SNX7: variants seen among roughly 807,000 people sequenced by gnomAD.
The protein encoded by SNX7 is sorting nexin 7.
A neutral mutation model predicts 48.4 loss-of-function variants in SNX7; 35 were observed. That is an observed-to-expected ratio of 0.72 (90% CI 0.55 to 0.96). SNX7 has a LOEUF of 0.96. Among genes scored for constraint, SNX7 ranks in the 40% least tolerant of loss-of-function variants. The pLI is 0.00. For synonymous variants in SNX7, 190 were observed against 190.2 expected, an observed-to-expected ratio of 1.00 and a Z score of 0.01; for missense variants, 553 against 548.9, an observed-to-expected ratio of 1.01 and a Z score of -0.07.
At chr1:98,714,094 A>G (rs1203291734) in intron 7 of SNX7, among the ~76,000 whole-genome samples, 3 of 152,230 alleles carry the variant, frequency 2.0e-5, no homozygotes, top group Non-Finnish European at 4.4e-5. Context: ...TAGTTGTATA[A>G]TTAGTAGACT....
intron 7 of SNX7, among the ~76,000 whole-genome samples, chr1:98,730,589 A>G (rs1345657404): frequency 6.6e-6 from 1 of 152,122 alleles, no homozygotes; most frequent in African/African-American, 2.4e-5. Context: ...GGAAATCACA[A>G]GCATTCCTAT....
intron 1 of SNX7, among the ~76,000 whole-genome samples, chr1:98,683,073 A>G (rs1650588933): frequency 6.6e-6 from 1 of 152,052 alleles, no homozygotes; most frequent in South Asian, 2.1e-4. Context: ...TAAAAAGAGC[A>G]TGCTTTCATT....
chr1:98,661,645 G>T, upstream of SNX7: 1 of 1,115,568 alleles, frequency 9.0e-7, no homozygotes, highest in Non-Finnish European at 1.1e-6. Context: ...GGCCGGGGAG[G>T]TGCAGGAGAC....
intron 7 of SNX7, among the ~76,000 whole-genome samples, chr1:98,728,507 G>A (rs1653313085): frequency 6.6e-6 from 1 of 152,166 alleles, no homozygotes; most frequent in Non-Finnish European, 1.5e-5. Flanking sequence ...GGAATGTCAA[G>A]CTGGACAAAG....
At chr1:98,699,821 C>T (rs1269155133) in intron 6 of SNX7, among the ~76,000 whole-genome samples, 1 of 152,168 alleles carries the variant, frequency 6.6e-6, no homozygotes, top group East Asian at 1.9e-4. Context: ...AAATATTGCA[C>T]AGACATTTCA....
chr1:98,751,576 A>ATG (rs1203512905), intron 8 of SNX7, among the ~76,000 whole-genome samples: 1 of 152,008 alleles, frequency 6.6e-6, no homozygotes, highest in Non-Finnish European at 1.5e-5. Flanking sequence ...CCTGGGGGAA[A>ATG]TGTGTACTGG....
intron 3 of SNX7, 91 bp from the exon 4 acceptor site, chr1:98,691,444 C>T: frequency 1.9e-6 from 2 of 1,060,996 alleles, no homozygotes; most frequent in Non-Finnish European, 2.6e-6. Context: ...ATCAGATGTT[C>T]AACTAGTCTT....
At chr1:98,678,545 G>A (rs1376332711) in intron 1 of SNX7, among the ~76,000 whole-genome samples, 3 of 152,186 alleles carry the variant, frequency 2.0e-5, no homozygotes, top group African/African-American at 7.2e-5. Flanking sequence ...TCGGAGAAAT[G>A]TCTCATTCCA....
chr1:98,743,664 T>A (rs1570601438), intron 8 of SNX7, among the ~76,000 whole-genome samples: 1 of 152,072 alleles, frequency 6.6e-6, no homozygotes, highest in East Asian at 1.9e-4. Flanking sequence ...AAAAACTAAG[T>A]CTGAATAAGC....
At chr1:98,694,586 T>A (rs1357422415) in intron 4 of SNX7, among the ~76,000 whole-genome samples, 1 of 147,786 alleles carries the variant, frequency 6.8e-6, no homozygotes, top group African/African-American at 2.5e-5. Flanking sequence ...TACCACTTAA[T>A]TGCTCTGGGA....
chr1:98,686,637 C>T (rs899662202), intron 2 of SNX7, among the ~76,000 whole-genome samples: 1 of 152,074 alleles, frequency 6.6e-6, no homozygotes, highest in Non-Finnish European at 1.5e-5. Flanking sequence ...TGTGGTAGAG[C>T]AAGACAACAT....
chr1:98,723,116 A>C (rs1337463962), intron 7 of SNX7, among the ~76,000 whole-genome samples: 1 of 152,200 alleles, frequency 6.6e-6, no homozygotes, highest in Non-Finnish European at 1.5e-5. Flanking sequence ...TGCAAGATCT[A>C]ATGAATGCTA....
At chr1:98,673,104 C>G (rs1649971586) in intron 1 of SNX7, among the ~76,000 whole-genome samples, 1 of 152,140 alleles carries the variant, frequency 6.6e-6, no homozygotes, top group South Asian at 2.1e-4. Context: ...TTGGGATTTT[C>G]AGGTGTAACA....
intron 8 of SNX7, among the ~76,000 whole-genome samples, chr1:98,748,637 AACACACACACACAC>A (rs58973289): frequency 2.1e-5 from 3 of 145,792 alleles, no homozygotes; most frequent in South Asian, 2.3e-4. Flanking sequence ...AAATGATTTA[AACACACACACACAC>A]ACACACACAC....
At chr1:98,673,493 A>G (rs751164418) in intron 1 of SNX7, among the ~76,000 whole-genome samples, 1 of 152,064 alleles carries the variant, frequency 6.6e-6, no homozygotes, top group Non-Finnish European at 1.5e-5. Context: ...TTACTTATCT[A>G]TATATTTATT....
rs879642770 is a variant in SNX7, at chr1:98,667,541, A to AT, written c.180+5642dup. Among the ~76,000 whole-genome samples, 1,351 of 143,026 alleles carry AT rather than the reference A, an allele frequency of 9.4e-3. 23 individuals carry two copies. The highest frequency in any genetic ancestry group is 0.039 in the East Asian group (193 of 4,984). 93.8% of individuals were successfully genotyped at this position (143,026 alleles called of 152,430 possible). On this transcript the variant is annotated intron_variant, in intron 1 of 8. Transcript: ENST00000306121. ...ACAGGTGCACACTGCCACACCCAGCATTTTTTTTTTTTGTATTTTTAGTAG... is the reference window on the plus strand; with the variant it reads ...ACAGGTGCACACTGCCACACCCAGCATTTTTTTTTTTTTGTATTTTTAGTAG...
intron 7 of SNX7, among the ~76,000 whole-genome samples, chr1:98,721,606 G>A (rs547737355): frequency 6.6e-6 from 1 of 151,928 alleles, no homozygotes; most frequent in Admixed American, 6.6e-5. Context: ...ACCTTACAGG[G>A]TATATTGAGA....
chr1:98,722,639 A>AT (rs917967527), intron 7 of SNX7, among the ~76,000 whole-genome samples: 21 of 151,646 alleles, frequency 1.4e-4, no homozygotes, highest in Admixed American at 3.3e-4. Flanking sequence ...TGAATGGTTG[A>AT]TTTTTTTTTC....
intron 1 of SNX7, among the ~76,000 whole-genome samples, chr1:98,669,008 A>AAG (rs1267162796): frequency 1.3e-5 from 2 of 152,212 alleles, no homozygotes; most frequent in Non-Finnish European, 2.9e-5. Context: ...ATTTAACTGT[A>AAG]AGAGCAGTGG....
Sources: gnomAD v4.1 joint callset for allele counts (sites outside exome capture counted in the v4.1 genomes callset) on GRCh38, gnomAD v4.1.1 for gene constraint, MANE v1.5 for transcripts, NCBI Gene and HGNC (gene_info 2026-07-23, HGNC 2026-07-21) for gene names.